The following DAB1 variants were observed in gnomAD, a reference collection of about 807,000 sequenced individuals.
DAB1 encodes DAB adaptor protein 1, also known as disabled homolog 1.
DAB1 carries 15 observed loss-of-function variants against 64.6 expected under a neutral mutation model. The observed-to-expected ratio is 0.23, with a 90% CI of 0.16 to 0.36. The LOEUF (loss-of-function observed/expected upper bound fraction) is 0.36. Ranked by LOEUF, DAB1 falls within the 10% of genes least tolerant of loss-of-function variation. DAB1 has a pLI of 1.00. For synonymous variants in DAB1, 235 were observed against 251.9 expected, an observed-to-expected ratio of 0.93 and a Z score of 0.64; for missense variants, 596 against 706.7, an observed-to-expected ratio of 0.84 and a Z score of 1.78.
intron 2 of DAB1, among the ~76,000 whole-genome samples, chr1:57,201,665 A>G (rs1665107601): frequency 6.6e-6 from 1 of 152,176 alleles, no homozygotes; most frequent in Admixed American, 6.5e-5. Flanking sequence ...CCTGCCCTCA[A>G]GGAGCTTCCG....
At chr1:57,108,418 A>T (rs956045272) in intron 4 of DAB1, among the ~76,000 whole-genome samples, 1 of 151,882 alleles carries the variant, frequency 6.6e-6, no homozygotes, top group Non-Finnish European at 1.5e-5. Flanking sequence ...GTTCCTTCTC[A>T]CCCTAGGATG....
chr1:57,011,800 C>T (rs885391), intron 12 of DAB1, among the ~76,000 whole-genome samples: 13,832 of 152,234 alleles, frequency 0.091, 888 homozygotes, highest in Non-Finnish European at 0.14. Context: ...TAGAGGTTAT[C>T]CTAATTTGAC....
intron 4 of DAB1, among the ~76,000 whole-genome samples, chr1:57,119,035 T>C (rs1397843688): frequency 6.6e-6 from 1 of 152,152 alleles, no homozygotes; most frequent in Non-Finnish European, 1.5e-5. Flanking sequence ...CAAAGATAAG[T>C]GCTAAGCCTA....
intron 4 of DAB1, among the ~76,000 whole-genome samples, chr1:57,104,018 A>G (rs892496613): frequency 6.6e-6 from 1 of 152,170 alleles, no homozygotes; most frequent in Admixed American, 6.5e-5. Context: ...TGCCAGAGAC[A>G]TGGGGCCCTG....
At chr1:57,729,643 A>G (rs1294580171) in intron 6 of DAB1, among the ~76,000 whole-genome samples, 3 of 152,258 alleles carry the variant, frequency 2.0e-5, no homozygotes, top group Non-Finnish European at 4.4e-5. Context: ...AGAGAATGGC[A>G]TGCTGGCAGG....
chr1:57,902,470 A>G (rs1644490264), intron 5 of DAB1, among the ~76,000 whole-genome samples: 1 of 152,162 alleles, frequency 6.6e-6, no homozygotes, highest in Admixed American at 6.6e-5. Context: ...CATACAGTCC[A>G]TATTCAGATG....
chr1:58,543,958 A>T (rs906490677), intron 1 of DAB1, among the ~76,000 whole-genome samples: 1 of 152,198 alleles, frequency 6.6e-6, no homozygotes, highest in African/African-American at 2.4e-5. Flanking sequence ...ACTCAGTTAA[A>T]TGGCCATATG....
At chr1:58,031,617 C>T (rs757320760) in intron 5 of DAB1, among the ~76,000 whole-genome samples, 1 of 152,184 alleles carries the variant, frequency 6.6e-6, no homozygotes, top group Non-Finnish European at 1.5e-5. Flanking sequence ...AAACCCTGGG[C>T]TCAGCCACCA....
chr1:57,846,674 G>GT (rs1299999499), intron 1 of DAB1, among the ~76,000 whole-genome samples: 29 of 151,370 alleles, frequency 1.9e-4, no homozygotes, highest in Admixed American at 1.1e-3. Flanking sequence ...TTTCATGTCA[G>GT]TTTTTTTTTC....
chr1:57,945,454 TA>T (rs200568109), intron 5 of DAB1, among the ~76,000 whole-genome samples: 4,480 of 144,820 alleles, frequency 0.031, 223 homozygotes, highest in African/African-American at 0.12. Context: ...TTATTATTAT[TA>T]TTTTGGCAGA....
At chr1:57,930,264 C>T (rs1264410296) in intron 5 of DAB1, among the ~76,000 whole-genome samples, 2 of 152,190 alleles carry the variant, frequency 1.3e-5, no homozygotes, top group African/African-American at 4.8e-5. Context: ...TCACCAGTAC[C>T]ATACTGTCTT....
At chr1:57,703,847 A>G (rs1646935265) in intron 6 of DAB1, among the ~76,000 whole-genome samples, 1 of 152,202 alleles carries the variant, frequency 6.6e-6, no homozygotes, top group African/African-American at 2.4e-5. Flanking sequence ...ATGGAATACT[A>G]TGCAGCCATA....
intron 6 of DAB1, among the ~76,000 whole-genome samples, chr1:57,774,937 T>C (rs1649724733): frequency 6.6e-6 from 1 of 151,716 alleles, no homozygotes; most frequent in Non-Finnish European, 1.5e-5. Flanking sequence ...ATAAATTTAA[T>C]ATCTTTAGTA....
chr1:58,500,877 T>C (rs1259526966), intron 3 of DAB1, among the ~76,000 whole-genome samples: 1 of 152,224 alleles, frequency 6.6e-6, no homozygotes, highest in Non-Finnish European at 1.5e-5. Flanking sequence ...TATTCACATC[T>C]ATTCATATTT....
intron 6 of DAB1, among the ~76,000 whole-genome samples, chr1:57,779,814 T>C (rs1339596848): frequency 6.6e-6 from 1 of 152,130 alleles, no homozygotes; most frequent in Non-Finnish European, 1.5e-5. Context: ...GAAAACTTTC[T>C]ACCCACAGAC....
chr1:58,014,468 G>A (rs1646711419), intron 5 of DAB1, among the ~76,000 whole-genome samples: 1 of 152,210 alleles, frequency 6.6e-6, no homozygotes, highest in Admixed American at 6.5e-5. Context: ...CAGTGGACTG[G>A]ATTCATGCAG....
intron 6 of DAB1, among the ~76,000 whole-genome samples, chr1:57,650,625 T>C (rs1318043025): frequency 6.6e-6 from 1 of 152,192 alleles, no homozygotes; most frequent in African/African-American, 2.4e-5. Context: ...GTCATCTTTG[T>C]AGTATGATTG....
At chr1:57,472,931 C>G (rs1439534247) in intron 7 of DAB1, among the ~76,000 whole-genome samples, 1 of 152,172 alleles carries the variant, frequency 6.6e-6, no homozygotes, top group African/African-American at 2.4e-5. Context: ...TCTTCCTTGG[C>G]TTTCTGACTT....
intron 6 of DAB1, among the ~76,000 whole-genome samples, chr1:57,691,443 A>C (rs1570741814): frequency 6.6e-6 from 1 of 152,242 alleles, no homozygotes; most frequent in African/African-American, 2.4e-5. Context: ...AAAGCTGGCC[A>C]CCCGAGACAG....
Sources: gnomAD v4.1 joint callset for allele counts (sites outside exome capture counted in the v4.1 genomes callset) on GRCh38, gnomAD v4.1.1 for gene constraint, MANE v1.5 for transcripts, NCBI Gene and HGNC (gene_info 2026-07-23, HGNC 2026-07-21) for gene names.